Variants in CHP1 observed in about 807,000 individuals in gnomAD.
CHP1 encodes the protein calcineurin like EF-hand protein 1, also known as calcineurin B homologous protein 1.
In CHP1, 11 loss-of-function variants were observed where a neutral mutation model predicts 27.4. The ratio of observed to expected loss-of-function variants is 0.40; its 90% CI spans 0.25 to 0.67. The LOEUF is 0.67. Among genes scored for constraint, CHP1 ranks in the 30% least tolerant of loss-of-function variants. CHP1 has a pLI of 0.38. For missense variants in CHP1, 169 were observed against 251.3 expected, an observed-to-expected ratio of 0.67 and a Z score of 2.22; for synonymous variants, 89 against 87.4, an observed-to-expected ratio of 1.02 and a Z score of -0.10.
intron 5 of CHP1, among the ~76,000 whole-genome samples, chr15:41,274,153 G>A (rs368324022): frequency 1.4e-4 from 21 of 151,878 alleles, no homozygotes; most frequent in Admixed American, 9.2e-4. Flanking sequence ...TAGAGACGGG[G>A]TTTCACCGTA....
intron 1 of CHP1, among the ~76,000 whole-genome samples, chr15:41,242,798 C>G (rs995343882): frequency 6.8e-6 from 1 of 146,908 alleles, no homozygotes; most frequent in Non-Finnish European, 1.5e-5. Context: ...ACAAAATTAG[C>G]TGGGCATGGT....
chr15:41,245,459 C>T (rs112756288), intron 2 of CHP1, among the ~76,000 whole-genome samples: 4,027 of 152,170 alleles, frequency 0.026, 184 homozygotes, highest in African/African-American at 0.092. Context: ...CCAGCCTGGG[C>T]GACAGAGAGA....
chr15:41,248,790 G>C (rs137984501), intron 2 of CHP1, among the ~76,000 whole-genome samples: 10 of 152,244 alleles, frequency 6.6e-5, no homozygotes, highest in African/African-American at 1.2e-4. Flanking sequence ...AAGCTACCTT[G>C]AATACCTAGA....
At chr15:41,274,271 A>G (rs968197227) in intron 5 of CHP1, among the ~76,000 whole-genome samples, 5 of 151,992 alleles carry the variant, frequency 3.3e-5, no homozygotes, top group African/African-American at 9.7e-5. Flanking sequence ...ATAACTTTTG[A>G]CTGGAACAAT....
At chr15:41,244,838 C>G (rs928817236) in intron 2 of CHP1, among the ~76,000 whole-genome samples, 1 of 152,236 alleles carries the variant, frequency 6.6e-6, no homozygotes, top group Admixed American at 6.5e-5. Flanking sequence ...CAGTAGCAAC[C>G]TTTCTTATGC....
chr15:41,239,152 C>A (rs1449675472), intron 1 of CHP1, among the ~76,000 whole-genome samples: 1 of 152,052 alleles, frequency 6.6e-6, no homozygotes, highest in Non-Finnish European at 1.5e-5. Flanking sequence ...TTCTCTCCTT[C>A]TTTTTGTTAA....
At chr15:41,264,236 G>GT (rs1395735045) in intron 4 of CHP1, 2 of 1,283,890 alleles carry the variant, frequency 1.6e-6, no homozygotes, top group Non-Finnish European at 2.0e-6. Context: ...AGCATGGAAT[G>GT]TAAGTCCTTC....
intron 4 of CHP1, among the ~76,000 whole-genome samples, chr15:41,263,486 G>A (rs1174445210): frequency 6.6e-6 from 1 of 152,098 alleles, no homozygotes; most frequent in Non-Finnish European, 1.5e-5. Flanking sequence ...ATTGGTTCAT[G>A]TACAATATTG....
chr15:41,241,321 C>A (rs1485183040), intron 1 of CHP1, among the ~76,000 whole-genome samples: 1 of 152,232 alleles, frequency 6.6e-6, no homozygotes, highest in Non-Finnish European at 1.5e-5. Flanking sequence ...ATTAGTGCAG[C>A]AGTAATACTT....
At chr15:41,250,096 A>G (rs1221005345) in intron 2 of CHP1, among the ~76,000 whole-genome samples, 2 of 151,868 alleles carry the variant, frequency 1.3e-5, no homozygotes, top group Non-Finnish European at 1.5e-5. Context: ...ATGTTAAAAA[A>G]AAAAAAAAAA....
In CHP1 at chr15:41,236,832, C is replaced by CTT. The variant is rs112481886; in HGVS notation, c.67+5396_67+5397dup. Among the ~76,000 whole-genome samples, 395 of 143,600 alleles carry CTT rather than the reference C, an allele frequency of 2.8e-3. 1 individual carries two copies. The highest frequency in any genetic ancestry group is 7.2e-3 in the African/African-American group (279 of 38,942). The allele number at this position is 143,600 out of a possible 152,430, so 94.2% of individuals were successfully genotyped here. On this transcript the variant is annotated intron_variant, in intron 1 of 6. Coordinates refer to ENST00000334660, the MANE Select transcript of CHP1 (RefSeq NM_007236.5). ...AGTTGATAATACTTCTTAATACTAT[C>CTT]TTTTTTTTTTTTTTGAGACAGAGTC...
chr15:41,253,431 T>G (rs1321100693), intron 2 of CHP1, among the ~76,000 whole-genome samples: 1 of 82,566 alleles, frequency 1.2e-5, no homozygotes, highest in Non-Finnish European at 2.7e-5. Flanking sequence ...AAGTATTTAT[T>G]TATTTATTTA....
intron 4 of CHP1, chr15:41,264,080 G>C: frequency 1.5e-6 from 1 of 653,504 alleles, no homozygotes; most frequent in Non-Finnish European, 2.4e-6. Context: ...CATCCTCATA[G>C]TCTGTTTTAT....
intron 4 of CHP1, among the ~76,000 whole-genome samples, chr15:41,266,375 A>G (rs2047460745): frequency 6.6e-6 from 1 of 152,062 alleles, no homozygotes; most frequent in South Asian, 2.1e-4. Flanking sequence ...AAAAAAAGTG[A>G]AAGGTATAAT....
intron 2 of CHP1, among the ~76,000 whole-genome samples, chr15:41,252,351 TAGAGACGG>T (rs1405862382): frequency 6.6e-6 from 1 of 151,760 alleles, no homozygotes; most frequent in Non-Finnish European, 1.5e-5. Context: ...GTATTTTTAG[TAGAGACGG>T]GGTTTTACCA....
intron 2 of CHP1, among the ~76,000 whole-genome samples, chr15:41,244,347 C>T (rs1175798087): frequency 6.6e-6 from 1 of 152,070 alleles, no homozygotes. Flanking sequence ...TTACATTTTC[C>T]CATAATCCTT....
In CHP1 at chr15:41,281,775, AT is replaced by A. The variant is rs1002409209; in HGVS notation, c.*2390del. 1.4e-4 allele frequency: 22 copies of A among 152,494 alleles called. No individual in the cohort carries two copies. Among genetic ancestry groups the A allele is most frequent in the Non-Finnish European group, 3.1e-4 (21 of 68,020 alleles). 9.4% of individuals were successfully genotyped at this position (152,494 alleles called of 1,614,324 possible). A position where few individuals can be genotyped will look rare whatever the true frequency, so the allele number is the denominator to read the frequency against. On this transcript the variant is annotated 3_prime_UTR_variant, in exon 7 of 7. Transcript: ENST00000334660. Reference sequence around the variant, plus strand: ...TGGCATAAAGTTCCTAAGGTTATAGATTTTCCCCCCTTTTGGCTGTATAGCA... The same window carrying A: ...TGGCATAAAGTTCCTAAGGTTATAGATTTCCCCCCTTTTGGCTGTATAGCA...
At chr15:41,238,394 G>A (rs1157542354) in intron 1 of CHP1, among the ~76,000 whole-genome samples, 2 of 151,196 alleles carry the variant, frequency 1.3e-5, no homozygotes, top group African/African-American at 2.4e-5. Context: ...CTGGCCTTTC[G>A]TCAAGGGATC....
At chr15:41,258,542 T>C (rs1454366510) in intron 3 of CHP1, among the ~76,000 whole-genome samples, 4 of 152,198 alleles carry the variant, frequency 2.6e-5, no homozygotes, top group Admixed American at 6.6e-5. Flanking sequence ...TATTTTACTT[T>C]CGTGATATTG....
Sources: gnomAD v4.1 joint callset for allele counts (sites outside exome capture counted in the v4.1 genomes callset) on GRCh38, gnomAD v4.1.1 for gene constraint, MANE v1.5 for transcripts, NCBI Gene and HGNC (gene_info 2026-07-23, HGNC 2026-07-21) for gene names.